Variants in NIN observed in about 807,000 individuals in gnomAD.
NIN encodes the protein ninein.
A neutral mutation model predicts 257.6 loss-of-function variants in NIN; 137 were observed. That is an observed-to-expected ratio of 0.53 (90% CI 0.46 to 0.61). The LOEUF is 0.61. NIN is among the 20% of genes least tolerant of loss of function. NIN has a pLI of 0.00. For missense variants in NIN, 2,439 were observed against 2,501.2 expected (o/e 0.98, Z 0.53); for synonymous variants, 918 against 919.8 (o/e 1.00, Z 0.04).
chr14:50,754,821 C>T lies in NIN; in HGVS notation c.4585G>A (p.Glu1529Lys), dbSNP rs200826451. Reference protein sequence around the residue: ...LQQENSILRNEITTLNEEDSI... With the variant: ...LQQENSILRNKITTLNEEDSI... Reference sequence around the variant, plus strand: ...TCTTCTTCATTTAAAGTAGTAATTTCATTTCTCAAAATAGAATTTTCCTGT... The same window carrying T: ...TCTTCTTCATTTAAAGTAGTAATTTTATTTCTCAAAATAGAATTTTCCTGT... Residue 1529 changes from glutamate (E) to lysine (K), a missense_variant, in exon 19 of 31, where the codon GAA becomes AAA. By Grantham distance (56) the Glu-to-Lys change is moderately conservative (BLOSUM62 1). Coordinates refer to ENST00000530997, the MANE Select transcript of NIN (RefSeq NM_020921.4). 3.5e-5 allele frequency: 55 copies of T among 1,583,224 alleles called. No individual in the cohort carries two copies. Among genetic ancestry groups the T allele is most frequent in the African/African-American group, 5.4e-5 (4 of 73,584 alleles).
intron 2 of NIN, among the ~76,000 whole-genome samples, chr14:50,822,423 T>C (rs1007145314): frequency 6.6e-6 from 1 of 152,176 alleles, no homozygotes; most frequent in Non-Finnish European, 1.5e-5. Context: ...TGAAGGTGGT[T>C]CTCTCCCAGC....
intron 30 of NIN, 29 bp from the exon 31 acceptor site, chr14:50,723,701 T>TC (rs772897684): frequency 1.3e-6 from 2 of 1,594,588 alleles, no homozygotes; most frequent in African/African-American, 2.7e-5. Flanking sequence ...ACATCTTGAC[T>TC]CCATTTCTGT....
At chr14:50,724,678 C>T (rs1193181046) in intron 30 of NIN, among the ~76,000 whole-genome samples, 1 of 152,208 alleles carries the variant, frequency 6.6e-6, no homozygotes, top group Non-Finnish European at 1.5e-5. Context: ...GTCTCTCCTC[C>T]TGCTTCTCCC....
In NIN at chr14:50,777,006, G is replaced by A. The variant is rs773293893; in HGVS notation, c.609C>T (p.Asn203=). Residue 203 remains asparagine, a synonymous_variant, in exon 7 of 31, where the codon AAC becomes AAT. Coordinates refer to ENST00000530997, the MANE Select transcript of NIN (RefSeq NM_020921.4). ...DLGITRDGHL[N]RKKLVSICEQ... ...CACAGATGGAGACCAGCTTCTTCCG[G>A]TTCAGGTGACCATCACGGGTGATCC... is the stretch of plus-strand genomic sequence containing the variant. 6.2e-6 allele frequency: 10 copies of A among 1,614,048 alleles called. No homozygotes were observed. In the African/African-American group the frequency reaches 1.1e-4, roughly 17 times the overall value.
chr14:50,766,845 A>G lies in NIN; in HGVS notation c.1480T>C (p.Leu494=). 1 of 1,614,000 alleles carries G rather than the reference A, an allele frequency of 6.2e-7. No individual in the cohort carries two copies. Residue 494 remains leucine, a synonymous_variant, in exon 13 of 31, where the codon TTG becomes CTG. Coordinates refer to ENST00000530997, the MANE Select transcript of NIN (RefSeq NM_020921.4). ...TTTGTCAGATTCTCATATTCTGCCA[A>G]CTTCTCTGCATTTTCTAGAAGCTCA... ...ENELLENAEK[L]AEYENLTNKL...
chr14:50,747,816 C>CAGAT (rs1357594817), intron 22 of NIN, among the ~76,000 whole-genome samples, 176 bp downstream of exon 22: 1 of 151,954 alleles, frequency 6.6e-6, no homozygotes, highest in Non-Finnish European at 1.5e-5. Context: ...ATAGCCTTTA[C>CAGAT]AGATAGGATT....
chr14:50,745,836 G>A (rs143533454), intron 22 of NIN, among the ~76,000 whole-genome samples: 1 of 152,094 alleles, frequency 6.6e-6, no homozygotes, highest in African/African-American at 2.4e-5. Flanking sequence ...AGATAGAAGT[G>A]CTTTGTGAAC....
chr14:50,753,276 T>G (rs1265151835), intron 20 of NIN, among the ~76,000 whole-genome samples: 1 of 152,218 alleles, frequency 6.6e-6, no homozygotes, highest in East Asian at 1.9e-4. Context: ...GGCATGTGCC[T>G]GTAATCCCAG....
At chr14:50,801,883 C>T (rs1406471806) in intron 4 of NIN, among the ~76,000 whole-genome samples, 1 of 152,170 alleles carries the variant, frequency 6.6e-6, no homozygotes, top group Non-Finnish European at 1.5e-5. Context: ...AACAAAGAGA[C>T]ATTTCCAATG....
At chr14:50,812,808 A>G (rs777113890) in intron 3 of NIN, among the ~76,000 whole-genome samples, 16 of 152,236 alleles carry the variant, frequency 1.1e-4, no homozygotes, top group Non-Finnish European at 2.2e-4. Flanking sequence ...TCTATAAAAG[A>G]TTAAACAGGA....
chr14:50,820,785 C>T (rs1424044673), intron 3 of NIN, among the ~76,000 whole-genome samples: 1 of 152,140 alleles, frequency 6.6e-6, no homozygotes, highest in Non-Finnish European at 1.5e-5. Flanking sequence ...TCCCATTTAA[C>T]ATCACACTCA....
chr14:50,772,198 C>T, intron 9 of NIN, 103 bp downstream of exon 9: 1 of 1,068,684 alleles, frequency 9.4e-7, no homozygotes, highest in East Asian at 2.6e-5. Flanking sequence ...AACAGAAGTA[C>T]CATTAAGAAG....
At position 50,758,300 on chromosome 14, in the gene NIN, G is replaced by A. The variant is rs555675129; in HGVS notation, c.2730C>T (p.Val910=). 10 of 1,614,198 alleles carry A rather than the reference G, an allele frequency of 6.2e-6. No individual in the cohort carries two copies. Among genetic ancestry groups the A allele is most frequent in the Admixed American group, 1.7e-5 (1 of 60,026 alleles). The change falls in exon 18 of 31, where the codon GTC becomes GTT. Residue 910 remains valine (V), a synonymous_variant. Coordinates refer to ENST00000530997, the MANE Select transcript of NIN (RefSeq NM_020921.4). The part of the protein sequence containing the change: ...TYKEHLNSMV[V]ERQQLLQDLE... ...GGTCTTGGAGTAGCTGCTGTCTCTC[G>A]ACGACCATGCTGTTCAAATGTTCTT...
chr14:50,828,609 A>C (rs1335935972), intron 2 of NIN, among the ~76,000 whole-genome samples: 1 of 152,236 alleles, frequency 6.6e-6, no homozygotes, highest in Admixed American at 6.5e-5. Context: ...AAATCCTTCT[A>C]AAATGCTCTG....
chr14:50,789,550 G>A (rs183290956), intron 5 of NIN, among the ~76,000 whole-genome samples: 11 of 152,274 alleles, frequency 7.2e-5, no homozygotes, highest in South Asian at 6.2e-4. Flanking sequence ...CAGCCTGGGC[G>A]ACAGAGCGAG....
intron 12 of NIN, among the ~76,000 whole-genome samples, chr14:50,769,908 G>A (rs1595827286): frequency 6.7e-6 from 1 of 150,322 alleles, no homozygotes; most frequent in African/African-American, 2.5e-5. Flanking sequence ...GCACCGCTGC[G>A]CTCCAGTCTG....
intron 29 of NIN, chr14:50,727,884 G>A (rs2040489216): frequency 8.4e-6 from 5 of 593,280 alleles, no homozygotes; most frequent in Middle Eastern, 3.9e-4. Flanking sequence ...GGCAAGCAAA[G>A]CAACACAAAA....
chr14:50,775,948 A>C (rs1595844742), intron 7 of NIN, among the ~76,000 whole-genome samples: 1 of 152,232 alleles, frequency 6.6e-6, no homozygotes, highest in Admixed American at 6.5e-5. Context: ...AAAACAACAA[A>C]AAAAATTTTC....
intron 29 of NIN, 70 bp downstream of exon 29, chr14:50,729,453 A>T: frequency 7.0e-7 from 1 of 1,437,288 alleles, no homozygotes; most frequent in East Asian, 2.3e-5. Context: ...TCCACCTTTG[A>T]ACTGGTATAA....
Sources: gnomAD v4.1 joint callset for allele counts (sites outside exome capture counted in the v4.1 genomes callset) on GRCh38, gnomAD v4.1.1 for gene constraint, MANE v1.5 for transcripts, NCBI Gene and HGNC (gene_info 2026-07-23, HGNC 2026-07-21) for gene names.